TMPRSS15: variants seen among roughly 807,000 people sequenced by gnomAD.
TMPRSS15 encodes the protein transmembrane serine protease 15, also known as enteropeptidase.
In TMPRSS15, 128 loss-of-function variants were observed where a neutral mutation model predicts 125.3. The observed-to-expected ratio is 1.02, with a 90% CI of 0.89 to 1.18. TMPRSS15 has a LOEUF of 1.18. Ranked by LOEUF, TMPRSS15 falls within the 50% of genes most tolerant of loss-of-function variation. The pLI is 0.00. For missense variants in TMPRSS15, 1,283 were observed against 1,212.7 expected (o/e 1.06, Z -0.86); for synonymous variants, 446 against 423.2 (o/e 1.05, Z -0.66).
At chr21:18,353,288 C>A (rs2075589700) in intron 9 of TMPRSS15, among the ~76,000 whole-genome samples, 1 of 151,816 alleles carries the variant, frequency 6.6e-6, no homozygotes, top group East Asian at 1.9e-4. Flanking sequence ...AGGGTATTAG[C>A]AAATATAAGT....
chr21:18,334,172 C>A (rs1355723235), intron 13 of TMPRSS15, among the ~76,000 whole-genome samples: 1 of 152,092 alleles, frequency 6.6e-6, no homozygotes, highest in African/African-American at 2.4e-5. Flanking sequence ...TCATGTGCAT[C>A]TTCAAAGTTT....
At chr21:18,342,774 T>C (rs1244822309) in intron 12 of TMPRSS15, among the ~76,000 whole-genome samples, 4 of 152,196 alleles carry the variant, frequency 2.6e-5, no homozygotes, top group African/African-American at 9.7e-5. Context: ...TGAGAGTCAT[T>C]AATTATTGCC....
At chr21:18,287,198 A>C (rs1328964813) in intron 21 of TMPRSS15, among the ~76,000 whole-genome samples, 1 of 152,216 alleles carries the variant, frequency 6.6e-6, no homozygotes, top group Non-Finnish European at 1.5e-5. Flanking sequence ...CCAAACTTAG[A>C]AAACTACTTA....
chr21:18,435,972 G>A (rs1410673588), intron 1 of TMPRSS15, among the ~76,000 whole-genome samples: 1 of 147,562 alleles, frequency 6.8e-6, no homozygotes, highest in African/African-American at 2.5e-5. Flanking sequence ...GGGATCGGTG[G>A]TGATATCCCC....
intron 18 of TMPRSS15, among the ~76,000 whole-genome samples, chr21:18,303,052 T>C (rs1275099245): frequency 1.3e-5 from 2 of 152,238 alleles, no homozygotes; most frequent in Admixed American, 6.5e-5. Flanking sequence ...TTAGAACTTG[T>C]CATCCCTTTG....
In TMPRSS15 at chr21:18,353,834, T is replaced by C; in HGVS notation, c.910A>G (p.Ile304Val). Reference sequence around the variant, plus strand: ...GTAACTTGGTTGGAAAAAATTCTTATTGTGCCAGGATTAGTTTCCCAAATA... The same window carrying C: ...GTAACTTGGTTGGAAAAAATTCTTACTGTGCCAGGATTAGTTTCCCAAATA... ...ASIWETNPGT[I>V]RIFSNQVTAT... Residue 304 changes from isoleucine to valine, a missense_variant, in exon 9 of 25, where the codon ATA becomes GTA. Coordinates refer to ENST00000284885, the MANE Select transcript of TMPRSS15 (RefSeq NM_002772.3). 1.9e-6 allele frequency: 3 copies of C among 1,611,632 alleles called. No homozygotes were observed. The highest frequency in any genetic ancestry group is 2.5e-6 in the Non-Finnish European group (3 of 1,178,294).
intron 1 of TMPRSS15, among the ~76,000 whole-genome samples, chr21:18,400,914 C>A (rs1317612316): frequency 6.6e-6 from 1 of 151,934 alleles, no homozygotes; most frequent in Non-Finnish European, 1.5e-5. Flanking sequence ...AAAAACTGGG[C>A]AAAAAACATG....
At chr21:18,407,625 C>T (rs757518964), upstream of TMPRSS15, among the ~76,000 whole-genome samples, 16 of 151,642 alleles carry the variant, frequency 1.1e-4, no homozygotes, top group East Asian at 3.9e-4. Context: ...TTTCTCTTCC[C>T]CCGCTTTTTT....
chr21:18,398,423 G>C lies in TMPRSS15; in HGVS notation c.146-94C>G, dbSNP rs975004472. 3 of 1,314,902 alleles carry C rather than the reference G, an allele frequency of 2.3e-6. No homozygotes were observed. In the South Asian group the frequency reaches 3.6e-5, roughly 16 times the overall value. The allele number at this position is 1,314,902 out of a possible 1,614,324, so 81.5% of individuals were successfully genotyped here. A position where few individuals can be genotyped will look rare whatever the true frequency, so the allele number is the denominator to read the frequency against. ...GTTAAGACATAGAAGTAAAGCTCTC[G>C]CCTGATGTGTTAGCTCTGTAGTTCT... On this transcript the variant is annotated intron_variant, in intron 1 of 24. Coordinates refer to ENST00000284885, the MANE Select transcript of TMPRSS15 (RefSeq NM_002772.3).
At chr21:18,407,749 G>T (rs2076156168), upstream of TMPRSS15, among the ~76,000 whole-genome samples, 1 of 152,088 alleles carries the variant, frequency 6.6e-6, no homozygotes, top group African/African-American at 2.4e-5. Flanking sequence ...GTCACTGAAT[G>T]CCCATAGGAG....
intron 1 of TMPRSS15, among the ~76,000 whole-genome samples, chr21:18,399,905 C>T (rs1160521745): frequency 1.3e-5 from 2 of 152,024 alleles, no homozygotes; most frequent in Non-Finnish European, 2.9e-5. Context: ...AATAAATGTA[C>T]AATGTCAGTT....
intron 21 of TMPRSS15, among the ~76,000 whole-genome samples, chr21:18,281,741 T>C (rs967032845): frequency 6.6e-6 from 1 of 152,132 alleles, no homozygotes; most frequent in African/African-American, 2.4e-5. Context: ...CTAGCAACTG[T>C]AGTATAATGG....
chr21:18,299,923 A>G (rs2074947339), intron 18 of TMPRSS15, among the ~76,000 whole-genome samples: 1 of 152,194 alleles, frequency 6.6e-6, no homozygotes. Context: ...TCAGGAAATC[A>G]TGTTATAGCC....
rs753182918 is a variant in TMPRSS15 at position 18,397,834 on chromosome 21, A to G, written c.344+45T>C. Reference sequence around the variant, plus strand: ...GCTATTTTACAAATATTAGCAAAAAAATCACTAATTTTCCATCAGTAGAAA... The same window carrying G: ...GCTATTTTACAAATATTAGCAAAAAGATCACTAATTTTCCATCAGTAGAAA... On this transcript the variant is annotated intron_variant, in intron 3 of 24. Coordinates refer to ENST00000284885, the MANE Select transcript of TMPRSS15 (RefSeq NM_002772.3). 4 of 1,103,182 alleles carry G rather than the reference A, an allele frequency of 3.6e-6. No homozygotes were observed. The South Asian group carries it at 5.8e-5, about 16-fold the overall frequency. 68.3% of individuals were successfully genotyped at this position (1,103,182 alleles called of 1,614,324 possible).
At chr21:18,281,372 C>G in intron 21 of TMPRSS15, 151 bp from the exon 22 acceptor site, 1 of 746,928 alleles carries the variant, frequency 1.3e-6, no homozygotes, top group Non-Finnish European at 2.2e-6. Flanking sequence ...ATTCTCAAAT[C>G]TTTATTTTTC....
In TMPRSS15 at chr21:18,383,751, G is replaced by A. The variant is rs1207234294; in HGVS notation, c.372C>T (p.Asp124=). ...FENGSIIVVF[D]LFFAQWVSDE... ...CTGACACCCACTGGGCAAAGAAAAG[G>A]TCAAATACGACTATAATGCTGCCAT... is the stretch of plus-strand genomic sequence containing the variant. Residue 124 remains aspartate, a synonymous_variant, in exon 4 of 25, where the codon GAC becomes GAT. Transcript: ENST00000284885. 1 of 1,613,672 alleles carries A rather than the reference G, an allele frequency of 6.2e-7. No homozygotes were observed. The highest frequency in any genetic ancestry group is 8.5e-7 in the Non-Finnish European group (1 of 1,179,826).
intron 10 of TMPRSS15, among the ~76,000 whole-genome samples, chr21:18,346,445 A>G (rs1189340037): frequency 1.3e-5 from 2 of 152,228 alleles, no homozygotes; most frequent in African/African-American, 4.8e-5. Flanking sequence ...GACTATTTAC[A>G]ATATAACATA....
chr21:18,385,115 A>G (rs2075931354), intron 3 of TMPRSS15, among the ~76,000 whole-genome samples: 1 of 152,194 alleles, frequency 6.6e-6, no homozygotes, highest in South Asian at 2.1e-4. Context: ...TATAATTCAC[A>G]TGTATTAAAT....
At position 18,341,456 on chromosome 21, in the gene TMPRSS15, A is replaced by C; in HGVS notation, c.1521T>G (p.Tyr507Ter). The change falls in exon 13 of 25, where the codon TAT becomes TAG. Residue 507 changes from tyrosine to a stop codon, truncating the protein, a stop_gained. Transcript: ENST00000284885. LOFTEE classifies it high-confidence loss of function. ...LTYGICNGSL[Y>*]PEPTLVPTPP... ...GAGTTGGCACCAAAGTTGGTTCTGG[A>C]TAAAGACTCCCATTGCAAATCCCAT... is the stretch of plus-strand genomic sequence containing the variant. The C allele has an allele frequency of 3.7e-6, 6 of 1,614,192 alleles. No individual in the cohort carries two copies. Among genetic ancestry groups the C allele is most frequent in the Non-Finnish European group, 5.1e-6 (6 of 1,180,018 alleles).
Sources: allele counts gnomAD v4.1 joint callset (sites outside exome capture counted in the v4.1 genomes callset), GRCh38; gene constraint gnomAD v4.1.1; transcripts MANE v1.5; gene names NCBI Gene and HGNC (gene_info 2026-07-23, HGNC 2026-07-21).